The following B3GALT1 variants were observed in gnomAD, a reference collection of about 807,000 sequenced individuals.
B3GALT1 encodes UDP-Gal:betaGlcNAc beta 1,3-galactosyltransferase, polypeptide 1.
In B3GALT1, 10 loss-of-function variants were observed where a neutral mutation model predicts 23.2. The observed-to-expected ratio is 0.43, with a 90% CI of 0.27 to 0.73. The LOEUF (loss-of-function observed/expected upper bound fraction) is 0.73. Ranked by LOEUF, B3GALT1 falls within the 30% of genes least tolerant of loss-of-function variation. The pLI, the probability that B3GALT1 is intolerant of heterozygous loss-of-function variation, is 0.21. For synonymous variants in B3GALT1, 156 were observed against 141.5 expected, an observed-to-expected ratio of 1.10 and a Z score of -0.73; for missense variants, 299 against 405.4, an observed-to-expected ratio of 0.74 and a Z score of 2.25.
chr2:167,809,887 G>A (rs1283006916), intron 3 of B3GALT1, among the ~76,000 whole-genome samples: 1 of 152,220 alleles, frequency 6.6e-6, no homozygotes, highest in East Asian at 1.9e-4. Context: ...CAGAGGTGGA[G>A]TCTACAGAGG....
chr2:167,351,131 T>C (rs772217282), intron 1 of B3GALT1, among the ~76,000 whole-genome samples: 2 of 151,968 alleles, frequency 1.3e-5, no homozygotes, highest in Non-Finnish European at 2.9e-5. Context: ...TAGCTGGGCA[T>C]GGTGGCGGGT....
intron 2 of B3GALT1, among the ~76,000 whole-genome samples, chr2:167,585,411 G>T (rs1684569966): frequency 6.6e-6 from 1 of 152,106 alleles, no homozygotes; most frequent in Non-Finnish European, 1.5e-5. Context: ...TTTACAAGAG[G>T]CTATCCAAAT....
intron 4 of B3GALT1, among the ~76,000 whole-genome samples, chr2:167,828,555 C>G (rs1442537710): frequency 1.3e-5 from 2 of 152,162 alleles, no homozygotes; most frequent in Non-Finnish European, 2.9e-5. Context: ...TAAAACATGT[C>G]CCCTTCTTTG....
intron 3 of B3GALT1, among the ~76,000 whole-genome samples, chr2:167,774,485 G>GTTTTTTTTTTTGTTTTTTTTTTTTTT (rs1392055378): frequency 9.5e-6 from 1 of 105,180 alleles, no homozygotes; most frequent in African/African-American, 3.2e-5. Flanking sequence ...TTTTTTTTTT[G>GTTTTTTTTTTTGTTTTTTTTTTTTTT]TTTTTTTTTT....
At chr2:167,758,963 T>G (rs576025098) in intron 3 of B3GALT1, among the ~76,000 whole-genome samples, 21 of 152,276 alleles carry the variant, frequency 1.4e-4, no homozygotes, top group African/African-American at 4.8e-4. Context: ...GCAGCACCTT[T>G]CCTCCAGCCA....
intron 4 of B3GALT1, among the ~76,000 whole-genome samples, chr2:167,854,352 C>T (rs1367000003): frequency 2.0e-5 from 3 of 152,144 alleles, no homozygotes; most frequent in Non-Finnish European, 4.4e-5. Context: ...AAGGGCTTGA[C>T]CTGGATTTAT....
chr2:167,782,265 A>G (rs1688258778), intron 3 of B3GALT1, among the ~76,000 whole-genome samples: 1 of 152,188 alleles, frequency 6.6e-6, no homozygotes, highest in South Asian at 2.1e-4. Context: ...TGGCCTGGGA[A>G]TCCTGAAGAG....
intron 3 of B3GALT1, among the ~76,000 whole-genome samples, chr2:167,794,241 T>C (rs1483494636): frequency 6.6e-6 from 1 of 152,212 alleles, no homozygotes; most frequent in Admixed American, 6.5e-5. Context: ...TTTTTCAGCT[T>C]TATTATCACT....
At chr2:167,566,649 T>C (rs903862904) in intron 2 of B3GALT1, among the ~76,000 whole-genome samples, 2 of 152,144 alleles carry the variant, frequency 1.3e-5, no homozygotes, top group African/African-American at 4.8e-5. Context: ...AATTGAGCCA[T>C]ATGAGTAGTT....
chr2:167,590,646 A>T (rs1332390555), intron 2 of B3GALT1, among the ~76,000 whole-genome samples: 1 of 152,246 alleles, frequency 6.6e-6, no homozygotes, highest in Non-Finnish European at 1.5e-5. Flanking sequence ...GCTATTTAAG[A>T]TGACTTAGTG....
chr2:167,481,067 C>T (rs575365308), intron 1 of B3GALT1, among the ~76,000 whole-genome samples: 2 of 152,132 alleles, frequency 1.3e-5, no homozygotes, highest in African/African-American at 2.4e-5. Flanking sequence ...CTGGTACTTG[C>T]AATTCAAAAC....
At chr2:167,538,365 G>A (rs1025388961) in intron 2 of B3GALT1, among the ~76,000 whole-genome samples, 3 of 152,102 alleles carry the variant, frequency 2.0e-5, no homozygotes, top group Non-Finnish European at 2.9e-5. Context: ...CAGTATATAC[G>A]TATATGTGCA....
At chr2:167,338,368 T>C (rs1294492816) in intron 1 of B3GALT1, among the ~76,000 whole-genome samples, 7 of 152,144 alleles carry the variant, frequency 4.6e-5, no homozygotes, top group African/African-American at 1.7e-4. Context: ...CTTACCTATC[T>C]GGATCACTAA....
At chr2:167,459,099 C>A (rs1314668672) in intron 1 of B3GALT1, among the ~76,000 whole-genome samples, 1 of 152,060 alleles carries the variant, frequency 6.6e-6, no homozygotes, top group Non-Finnish European at 1.5e-5. Context: ...GATATTATTT[C>A]ATTTACATTT....
intron 1 of B3GALT1, among the ~76,000 whole-genome samples, chr2:167,476,559 A>T (rs1013043808): frequency 6.6e-6 from 1 of 151,916 alleles, no homozygotes; most frequent in African/African-American, 2.4e-5. Flanking sequence ...TCAAGGGGGG[A>T]TACTGTGGAC....
chr2:167,789,668 A>G (rs1212670703), intron 3 of B3GALT1, among the ~76,000 whole-genome samples: 1 of 152,172 alleles, frequency 6.6e-6, no homozygotes, highest in African/African-American at 2.4e-5. Context: ...CCAATACCAA[A>G]AAAAGGCACT....
intron 1 of B3GALT1, among the ~76,000 whole-genome samples, chr2:167,419,143 T>C (rs183684452): frequency 6.6e-6 from 1 of 152,334 alleles, no homozygotes; most frequent in Non-Finnish European, 1.5e-5. Context: ...TAGGAAAATG[T>C]ATTTAAATGA....
At chr2:167,359,270 T>C (rs973682697) in intron 1 of B3GALT1, among the ~76,000 whole-genome samples, 1 of 152,178 alleles carries the variant, frequency 6.6e-6, no homozygotes, top group Non-Finnish European at 1.5e-5. Flanking sequence ...CATAACAGAT[T>C]TTAGAATATA....
intron 3 of B3GALT1, among the ~76,000 whole-genome samples, chr2:167,786,900 G>A (rs1475773031): frequency 3.9e-5 from 6 of 152,158 alleles, no homozygotes; most frequent in Non-Finnish European, 8.8e-5. Context: ...TTGGCTTGGA[G>A]GAGGTCTCAG....
Sources: allele counts gnomAD v4.1 joint callset (sites outside exome capture counted in the v4.1 genomes callset), GRCh38; gene constraint gnomAD v4.1.1; transcripts MANE v1.5; gene names NCBI Gene and HGNC (gene_info 2026-07-23, HGNC 2026-07-21).